MYO9A: variants seen among roughly 807,000 people sequenced by gnomAD.
MYO9A encodes the protein myosin IXA.
In MYO9A, 103 loss-of-function variants were observed where a neutral mutation model predicts 293.3. The ratio of observed to expected loss-of-function variants is 0.35; its 90% CI spans 0.30 to 0.41. The LOEUF is 0.41. Ranked by LOEUF, MYO9A falls within the 10% of genes least tolerant of loss-of-function variation. The probability of loss-of-function intolerance (pLI) is 1.00; values close to 1 mark genes in which losing one functional copy is unlikely to be tolerated. For synonymous variants in MYO9A, 1,001 were observed against 1,035.7 expected, an observed-to-expected ratio of 0.97 and a Z score of 0.64; for missense variants, 2,685 against 3,033.0, an observed-to-expected ratio of 0.89 and a Z score of 2.69.
In MYO9A at chr15:72,046,125, C is replaced by G; in HGVS notation, c.439G>C (p.Asp147His). Residue 147 changes from aspartate to histidine, a missense_variant, in exon 2 of 42, where the codon GAC becomes CAC. By Grantham distance (81) the Asp-to-His change is moderately conservative. Transcript: ENST00000356056. Reference protein sequence around the residue: ...RGFLPQPQQKDFDDLCSLPDL... With the variant: ...RGFLPQPQQKHFDDLCSLPDL... ...GGTAAACTACATAAATCATCAAAGT[C>G]TTTCTGTTGAGGCTGTGGAAGAAAA... 6.2e-7 allele frequency: 1 copy of G among 1,614,138 alleles called. No homozygotes were observed. Among genetic ancestry groups the G allele is most frequent in the Non-Finnish European group, 8.5e-7 (1 of 1,180,026 alleles).
At chr15:71,940,973 G>A (rs919108792) in intron 15 of MYO9A, among the ~76,000 whole-genome samples, 1 of 151,768 alleles carries the variant, frequency 6.6e-6, no homozygotes, top group Non-Finnish European at 1.5e-5. Flanking sequence ...GGGGGAGGAG[G>A]AGTAAATTTC....
chr15:71,899,871 C>A lies in MYO9A; in HGVS notation c.3286G>T (p.Glu1096Ter). The A allele has an allele frequency of 6.2e-7, 1 of 1,614,102 alleles. No individual in the cohort carries two copies. The highest frequency in any genetic ancestry group is 8.5e-7 in the Non-Finnish European group (1 of 1,180,016). ...ATAACGATGGCTGCAGCCCGTAACTCCAAGTACCGCTGCCTCTCTAAGTGA... is the reference window on the plus strand; with the variant it reads ...ATAACGATGGCTGCAGCCCGTAACTACAAGTACCGCTGCCTCTCTAAGTGA... ...RAHLERQRYLELRAAAIVIQQ... is the reference protein window; with the variant it reads ...RAHLERQRYL Residue 1096 changes from glutamate to a stop codon, truncating the protein, a stop_gained, in exon 24 of 42, where the codon GAG becomes TAG. Coordinates refer to ENST00000356056, the MANE Select transcript of MYO9A (RefSeq NM_006901.4). LOFTEE classifies it high-confidence loss of function.
At chr15:71,929,534 T>C (rs1315391252) in intron 18 of MYO9A, among the ~76,000 whole-genome samples, 1 of 152,234 alleles carries the variant, frequency 6.6e-6, no homozygotes, top group Non-Finnish European at 1.5e-5. Context: ...TCTGCATGTG[T>C]TGAAATGACA....
chr15:71,925,125 C>T (rs945106961), intron 18 of MYO9A, among the ~76,000 whole-genome samples: 1 of 141,778 alleles, frequency 7.1e-6, no homozygotes, highest in African/African-American at 2.6e-5. Context: ...TCTCTCTCTC[C>T]CTTTAGGGCT....
intron 4 of MYO9A, among the ~76,000 whole-genome samples, chr15:72,025,160 T>C (rs901268296): frequency 6.6e-6 from 1 of 151,814 alleles, no homozygotes; most frequent in African/African-American, 2.4e-5. Context: ...GCAAGCAATA[T>C]CCAAAAGCAA....
chr15:72,027,544 C>A (rs539262290), intron 4 of MYO9A, among the ~76,000 whole-genome samples, 187 bp downstream of exon 4: 3 of 152,224 alleles, frequency 2.0e-5, no homozygotes, highest in Admixed American at 6.5e-5. Flanking sequence ...GTTCTATATA[C>A]CAAATAAAGA....
At chr15:72,048,737 T>C (rs2078467030) in intron 1 of MYO9A, among the ~76,000 whole-genome samples, 1 of 152,226 alleles carries the variant, frequency 6.6e-6, no homozygotes, top group Non-Finnish European at 1.5e-5. Flanking sequence ...TAAGTTTGCA[T>C]GTTTACTATC....
intron 15 of MYO9A, 131 bp downstream of exon 15, chr15:71,951,646 C>T: frequency 1.0e-6 from 1 of 993,986 alleles, no homozygotes; most frequent in South Asian, 1.7e-5. Context: ...TAGAAATATT[C>T]AAAGACTGCT....
chr15:71,978,430 A>AC, intron 11 of MYO9A, 138 bp from the exon 12 acceptor site: 1 of 665,270 alleles, frequency 1.5e-6, no homozygotes, highest in Non-Finnish European at 2.3e-6. Flanking sequence ...AAGAATGTAT[A>AC]ATTTCAGTTG....
intron 1 of MYO9A, among the ~76,000 whole-genome samples, chr15:72,068,180 T>C (rs1263003267): frequency 1.3e-5 from 2 of 152,334 alleles, no homozygotes; most frequent in East Asian, 1.9e-4. Context: ...TAGGCTTCCA[T>C]TCTCTACATA....
intron 1 of MYO9A, among the ~76,000 whole-genome samples, chr15:72,077,749 AAAAATAT>A (rs1431671693): frequency 3.5e-3 from 117 of 33,300 alleles, no homozygotes; most frequent in African/African-American, 7.6e-3. Context: ...AAAAAAAAAA[AAAAATAT>A]ATATATATAT....
At chr15:72,081,332 T>C (rs1384840076) in intron 1 of MYO9A, among the ~76,000 whole-genome samples, 1 of 152,236 alleles carries the variant, frequency 6.6e-6, no homozygotes, top group Non-Finnish European at 1.5e-5. Flanking sequence ...TGAGTGTTTT[T>C]CCACATGCTT....
At chr15:72,040,278 T>C (rs568813975) in intron 2 of MYO9A, 1 of 152,386 alleles carries the variant, frequency 6.6e-6, no homozygotes, top group South Asian at 2.1e-4. Flanking sequence ...CTTATTCTAA[T>C]GGCACTTAGA....
intron 1 of MYO9A, among the ~76,000 whole-genome samples, chr15:72,059,853 G>A (rs1158706608): frequency 1.3e-5 from 2 of 152,110 alleles, no homozygotes; most frequent in Non-Finnish European, 2.9e-5. Flanking sequence ...TTTTTAAACT[G>A]CATTTTAAAA....
At chr15:71,864,067 A>G (rs778591362) in intron 32 of MYO9A, among the ~76,000 whole-genome samples, 2 of 152,210 alleles carry the variant, frequency 1.3e-5, no homozygotes, top group African/African-American at 2.4e-5. Flanking sequence ...TGCAAATCAT[A>G]TATCTGATAA....
chr15:72,045,939 C>G lies in MYO9A; in HGVS notation c.625G>C (p.Gly209Arg). 2 of 1,613,996 alleles carry G rather than the reference C, an allele frequency of 1.2e-6. No homozygotes were observed. Among genetic ancestry groups the G allele is most frequent in the Non-Finnish European group, 1.7e-6 (2 of 1,180,002 alleles). The part of the protein sequence containing the change: ...YVKMYDNHQL[G>R]KLEPHIYAVA... ...GCATAAATGTGGGGCTCAAGTTTTC[C>G]CAGTTGGTGGTTATCATACATTTTG... is the stretch of plus-strand genomic sequence containing the variant. The change falls in exon 2 of 42, where the codon GGA becomes CGA. Residue 209 changes from glycine (G) to arginine (R), a missense_variant. By Grantham distance (125) the Gly-to-Arg change is moderately radical. This residue lies in a region of MYO9A where 289 missense variants were observed against 456.8 expected (regional missense o/e 0.63). Transcript: ENST00000356056.
At chr15:71,962,622 T>C (rs1369550065) in intron 13 of MYO9A, among the ~76,000 whole-genome samples, 3 of 152,322 alleles carry the variant, frequency 2.0e-5, no homozygotes, top group Middle Eastern at 6.8e-3. Context: ...GTATTTTACG[T>C]AACTTATTTT....
chr15:71,996,562 C>T (rs560642943), intron 9 of MYO9A, among the ~76,000 whole-genome samples: 2 of 152,308 alleles, frequency 1.3e-5, no homozygotes, highest in East Asian at 3.9e-4. Context: ...TTTCCTATGT[C>T]ATTGAAGGGT....
intron 19 of MYO9A, 63 bp from the exon 20 acceptor site, chr15:71,905,069 T>C (rs1392227168): frequency 4.3e-6 from 6 of 1,394,266 alleles, no homozygotes; most frequent in South Asian, 2.7e-5. Context: ...AAATAATTTA[T>C]AACTATAATC....
Sources: allele counts gnomAD v4.1 joint callset (sites outside exome capture counted in the v4.1 genomes callset), GRCh38; gene constraint gnomAD v4.1.1; regional missense constraint gnomAD v4.1.1; transcripts MANE v1.5; gene names NCBI Gene and HGNC (gene_info 2026-07-23, HGNC 2026-07-21).